The following MYOM3 variants were observed in gnomAD, a reference collection of about 807,000 sequenced individuals.
MYOM3 encodes myomesin 3.
MYOM3 carries 155 observed loss-of-function variants against 191.7 expected under a neutral mutation model. That is an observed-to-expected ratio of 0.81 (90% CI 0.71 to 0.92). The LOEUF (loss-of-function observed/expected upper bound fraction) is 0.92, where lower values mean the gene tolerates loss of function less well. MYOM3 is among the 40% of genes least tolerant of loss of function. MYOM3 has a pLI of 0.00. For synonymous variants in MYOM3, 757 were observed against 762.9 expected (o/e 0.99, Z 0.13); for missense variants, 1,889 against 1,890.6 (o/e 1.00, Z 0.02).
At position 24,087,724 on chromosome 1, in the gene MYOM3, A is replaced by G. The variant is rs1040504334; in HGVS notation, c.1615-897T>C. Among the ~76,000 whole-genome samples, 25 of 152,054 alleles carry G rather than the reference A, an allele frequency of 1.6e-4. No individual in the cohort carries two copies. Among genetic ancestry groups the G allele is most frequent in the African/African-American group, 5.8e-4 (24 of 41,392 alleles). ...CACTTCAAGTTCCCCTCCCTGCTCA[A>G]TGTCTTTCTCCTTAGCGCCTACCAC... On this transcript the variant is annotated intron_variant, in intron 14 of 36. Transcript: ENST00000374434. This position sits in a 1 kb window ranked among gnomAD's most constrained non-coding sequence, Gnocchi z 4.5.
chr1:24,067,325 CTTCTTTCTTTCTTTCTTTCT>C (rs796793986), intron 27 of MYOM3, among the ~76,000 whole-genome samples: 5 of 58,862 alleles, frequency 8.5e-5, no homozygotes, highest in East Asian at 6.1e-4. Flanking sequence ...TCTTTCTTTC[CTTCTTTCTTTCTTTCTTTCT>C]TTCTTTCTTT....
At chr1:24,088,617 G>A (rs1415544507) in intron 14 of MYOM3, among the ~76,000 whole-genome samples, 19 of 152,188 alleles carry the variant, frequency 1.2e-4, no homozygotes, top group Admixed American at 1.2e-3. Context: ...GATTACCCAT[G>A]AGTGTGAAAA....
rs374933004 is a variant in MYOM3, at chr1:24,080,117, C to T, written c.2485G>A (p.Gly829Arg). The T allele has an allele frequency of 7.8e-5, 126 of 1,614,012 alleles. No individual in the cohort carries two copies. The highest frequency in any genetic ancestry group is 1.0e-4 in the Non-Finnish European group (121 of 1,180,028). The change falls in exon 20 of 37, where the codon GGG (glycine) becomes AGG (arginine). Residue 829 changes from glycine (G) to arginine (R), a missense_variant. Transcript: ENST00000374434. ...TGATAGCCTGTGACAGGCCCAGCCC[C>T]CATATACAGTGGGGGTTCCCACTGC... ...VLQWEPPLYM[G>R]AGPVTGYHVS... is the part of the protein sequence containing the mutation.
chr1:24,076,334 C>T, intron 20 of MYOM3, 61 bp from the exon 21 acceptor site: 1 of 1,263,960 alleles, frequency 7.9e-7, no homozygotes, highest in Non-Finnish European at 1.2e-6. Flanking sequence ...GAAACCTGGG[C>T]CCCAGGGAGC....
chr1:24,082,951 C>T (rs189633640), intron 16 of MYOM3: 41 of 405,714 alleles, frequency 1.0e-4, no homozygotes, highest in Middle Eastern at 6.3e-4. Flanking sequence ...ACCCTTAAAA[C>T]GCAAATACGC....
rs949380370 is a variant in MYOM3, at chr1:24,085,763, C to T, written c.1798+881G>A. ...CACTGGCCAGGCCCCAAATCAAATCCAAATGTTAACCAGAAGTAAAGAAAA... is the reference window on the plus strand; with the variant it reads ...CACTGGCCAGGCCCCAAATCAAATCTAAATGTTAACCAGAAGTAAAGAAAA... On this transcript the variant is annotated intron_variant, in intron 15 of 36. Transcript: ENST00000374434. Among the ~76,000 whole-genome samples the T allele has an allele frequency of 4.6e-5, 7 of 152,142 alleles. 1 individual carries two copies. The highest frequency in any genetic ancestry group is 4.4e-5 in the Non-Finnish European group (3 of 68,032).
intron 5 of MYOM3, among the ~76,000 whole-genome samples, chr1:24,104,301 T>C (rs1056300929): frequency 1.3e-5 from 2 of 152,224 alleles, no homozygotes; most frequent in Non-Finnish European, 2.9e-5. Flanking sequence ...ATCTGGCTCA[T>C]AGGCAACCTC....
intron 36 of MYOM3, among the ~76,000 whole-genome samples, chr1:24,058,401 G>T (rs1204610989): frequency 6.6e-6 from 1 of 152,186 alleles, no homozygotes; most frequent in Non-Finnish European, 1.5e-5. Flanking sequence ...CCTTCAAGCT[G>T]TGTGACCTTA....
chr1:24,089,434 T>C (rs1340175314), intron 14 of MYOM3, 104 bp downstream of exon 14: 1 of 1,398,944 alleles, frequency 7.1e-7, no homozygotes, highest in Non-Finnish European at 9.4e-7. Context: ...GGCCAGGGGA[T>C]TCTCTTTCAT....
intron 16 of MYOM3, 92 bp from the exon 17 acceptor site, chr1:24,082,806 C>T (rs543098745): frequency 1.4e-6 from 2 of 1,435,372 alleles, no homozygotes; most frequent in Non-Finnish European, 1.9e-6. Context: ...TAAGTGGTCA[C>T]CAGCGTGGTA....
At chr1:24,092,062 G>C (rs373305031) in intron 11 of MYOM3, 112 bp downstream of exon 11, 1 of 1,054,192 alleles carries the variant, frequency 9.5e-7, no homozygotes, top group Non-Finnish European at 1.3e-6. Context: ...TCTGAGGAGC[G>C]GGGGTGTGAG....
rs1471856936 is a variant in MYOM3 at position 24,082,627 on chromosome 1, G to C, written c.2058C>G (p.Ala686=). ...VSEAGVGESS[A]ATEPIRVKQA... is the part of the protein sequence containing the mutation. ...GCTTGACCCTGATGGGCTCGGTGGC[G>C]GCTGAGCTCTCGCCTACCCCAGCCT... The change falls in exon 17 of 37, where the codon GCC becomes GCG. Residue 686 remains alanine (A), a synonymous_variant. Coordinates refer to ENST00000374434, the MANE Select transcript of MYOM3 (RefSeq NM_152372.4). 2 of 1,611,648 alleles carry C rather than the reference G, an allele frequency of 1.2e-6. No homozygotes were observed. The highest frequency in any genetic ancestry group is 1.7e-6 in the Non-Finnish European group (2 of 1,179,170).
rs528769627 is a variant in MYOM3 at position 24,099,779 on chromosome 1, T to G, written c.561-4A>C. On this transcript the variant is annotated splice_polypyrimidine_tract_variant and splice_region_variant and intron_variant, in intron 5 of 36. Transcript: ENST00000374434. ...AATCCGTGTGTCATTTTTGTACCTG[T>G]GGGGACATAGCGGTCTGTGGCAGGC... is the stretch of plus-strand genomic sequence containing the variant. 7 of 1,612,578 alleles carry G rather than the reference T, an allele frequency of 4.3e-6. No individual in the cohort carries two copies. The African/African-American group carries it at 9.3e-5, about 22-fold the overall frequency.
chr1:24,059,653 C>T (rs561856116), intron 35 of MYOM3, among the ~76,000 whole-genome samples: 2 of 152,224 alleles, frequency 1.3e-5, no homozygotes, highest in Non-Finnish European at 2.9e-5. Flanking sequence ...GTGTGACCAA[C>T]AAGGTCAGAG....
At chr1:24,107,483 A>AGCCAAGTG (rs914716384) in intron 3 of MYOM3, among the ~76,000 whole-genome samples, 2 of 152,196 alleles carry the variant, frequency 1.3e-5, no homozygotes, top group Admixed American at 1.3e-4. Context: ...TTTTCACGAC[A>AGCCAAGTG]GCCAAGTGGC....
chr1:24,092,440 C>T lies in MYOM3; in HGVS notation c.1091-125G>A, dbSNP rs1040189249. 10 of 823,632 alleles carry T rather than the reference C, an allele frequency of 1.2e-5. No homozygotes were observed. In the African/African-American group the frequency reaches 1.6e-4, roughly 13 times the overall value. 51.0% of individuals were successfully genotyped at this position (823,632 alleles called of 1,614,324 possible). ...AGGGGCTCAGTTTTGATCTTGAGGA[C>T]TGGGGCCTGAATATTAGTCCCACTA... On this transcript the variant is annotated intron_variant, in intron 10 of 36. Transcript: ENST00000374434.
At chr1:24,082,424 G>T in intron 17 of MYOM3, 169 bp downstream of exon 17, 1 of 1,059,018 alleles carries the variant, frequency 9.4e-7, no homozygotes, top group Non-Finnish European at 1.3e-6. Context: ...CTCAAGCCAT[G>T]GTTACTTCCT....
chr1:24,075,197 G>A (rs1643581018), intron 22 of MYOM3, 122 bp downstream of exon 22: 1 of 941,852 alleles, frequency 1.1e-6, no homozygotes, highest in South Asian at 1.6e-5. Flanking sequence ...GAAAGACTGA[G>A]CAGCGCCTTT....
chr1:24,071,971 G>A lies in MYOM3; in HGVS notation c.3011C>T (p.Pro1004Leu). ...LKKLSHEIRN[P>L]VIKLISGWNI... Reference sequence around the variant, plus strand: ...GGTAGCTTGGACTGCTTGCTTACCTGGGTTTCTGATCTCATGACTCAGCTT... The same window carrying A: ...GGTAGCTTGGACTGCTTGCTTACCTAGGTTTCTGATCTCATGACTCAGCTT... Residue 1004 changes from proline to leucine, a missense_variant and splice_region_variant, in exon 24 of 37, where the codon CCA (proline) becomes CTA (leucine). Physicochemically the swap from Pro to Leu is moderately conservative, Grantham distance 98. Transcript: ENST00000374434. 1 of 1,614,068 alleles carries A rather than the reference G, an allele frequency of 6.2e-7. No individual in the cohort carries two copies. The highest frequency in any genetic ancestry group is 2.2e-5 in the East Asian group (1 of 44,872).
Sources: allele counts gnomAD v4.1 joint callset (sites outside exome capture counted in the v4.1 genomes callset), GRCh38; gene constraint gnomAD v4.1.1; non-coding constraint Gnocchi (gnomAD v3.1); transcripts MANE v1.5; gene names NCBI Gene and HGNC (gene_info 2026-07-23, HGNC 2026-07-21).